Variants in ST8SIA4 observed in about 807,000 individuals in gnomAD.
The protein encoded by ST8SIA4 is CMP-N-acetylneuraminate-poly-alpha-2,8-sialyltransferase.
Under a neutral mutation model 33.9 loss-of-function variants are expected in ST8SIA4, and 15 were observed. The observed-to-expected ratio is 0.44, with a 90% CI of 0.30 to 0.68. The LOEUF (loss-of-function observed/expected upper bound fraction) is 0.68. Among genes scored for constraint, ST8SIA4 ranks in the 30% least tolerant of loss-of-function variants. The pLI is 0.10. For synonymous variants in ST8SIA4, 171 were observed against 151.2 expected (o/e 1.13, Z -0.96); for missense variants, 321 against 428.0 (o/e 0.75, Z 2.21).
At chr5:100,883,618 T>C (rs979306899) in intron 3 of ST8SIA4, among the ~76,000 whole-genome samples, 1 of 152,190 alleles carries the variant, frequency 6.6e-6, no homozygotes, top group Admixed American at 6.5e-5. Flanking sequence ...TCTCAAATTG[T>C]ACTCTTATAA....
chr5:100,857,399 C>G (rs1390211314), intron 3 of ST8SIA4, among the ~76,000 whole-genome samples: 5 of 150,554 alleles, frequency 3.3e-5, no homozygotes, highest in Admixed American at 3.3e-4. Flanking sequence ...TTTAAAAAAA[C>G]TATTTTTAAC....
intron 3 of ST8SIA4, among the ~76,000 whole-genome samples, chr5:100,856,606 C>G (rs2112440672): frequency 6.6e-6 from 1 of 152,286 alleles, no homozygotes; most frequent in Non-Finnish European, 1.5e-5. Flanking sequence ...AGTCCCAGTA[C>G]AGGGCTCAAA....
intron 3 of ST8SIA4, among the ~76,000 whole-genome samples, chr5:100,864,402 G>C (rs541995804): frequency 6.6e-6 from 1 of 151,614 alleles, no homozygotes; most frequent in African/African-American, 2.4e-5. Flanking sequence ...GTGAAACCCC[G>C]CCTCTACTAA....
chr5:100,842,529 C>T (rs1751490487), intron 4 of ST8SIA4, among the ~76,000 whole-genome samples: 1 of 151,820 alleles, frequency 6.6e-6, no homozygotes, highest in South Asian at 2.1e-4. Context: ...TCAACACTAT[C>T]CCCAGTTTTT....
In ST8SIA4 at chr5:100,848,009, ATTATC is replaced by A. The variant is rs140663402; in HGVS notation, c.797+8089_797+8093del. On this transcript the variant is annotated intron_variant, in intron 4 of 4. Coordinates refer to ENST00000231461, the MANE Select transcript of ST8SIA4 (RefSeq NM_005668.6). ...ATAAAGTATGTAAATCAATTAGACT[ATTATC>A]TTATATTCTGAATGAGGAAATTTTT... Among the ~76,000 whole-genome samples, 1,050 of 152,188 alleles carry A rather than the reference ATTATC, an allele frequency of 6.9e-3. 14 individuals are homozygous for A. The highest frequency in any genetic ancestry group is 0.024 in the African/African-American group (1,015 of 41,556).
chr5:100,848,986 G>T, intron 4 of ST8SIA4: 1 of 319,618 alleles, frequency 3.1e-6, no homozygotes, highest in Non-Finnish European at 4.5e-6. Context: ...TTTAGATGAT[G>T]TTGGGTTAAC....
chr5:100,886,073 A>C lies in ST8SIA4; in HGVS notation c.503+270T>G. 8 of 1,168,408 alleles carry C rather than the reference A, an allele frequency of 6.8e-6. 1 individual carries two copies. In the South Asian group the frequency reaches 1.6e-4, roughly 24 times the overall value. 72.4% of individuals were successfully genotyped at this position (1,168,408 alleles called of 1,614,324 possible). A position where few individuals can be genotyped will look rare whatever the true frequency, so the allele number is the denominator to read the frequency against. ...GTTTGTGTGGAATATTAAATTTAATAAAATTGCCATTTGCCTCCCCCCTCA... is the reference window on the plus strand; with the variant it reads ...GTTTGTGTGGAATATTAAATTTAATCAAATTGCCATTTGCCTCCCCCCTCA... On this transcript the variant is annotated intron_variant, in intron 3 of 4. Transcript: ENST00000231461.
intron 3 of ST8SIA4, among the ~76,000 whole-genome samples, chr5:100,869,499 T>C (rs2112454703): frequency 6.6e-6 from 1 of 152,292 alleles, no homozygotes; most frequent in South Asian, 2.1e-4. Flanking sequence ...GTCATCACTT[T>C]TTTCCTCCTC....
chr5:100,903,009 A>G lies in ST8SIA4; in HGVS notation c.-54T>C. 5.4e-6 allele frequency: 7 copies of G among 1,305,860 alleles called. No homozygotes were observed. Among genetic ancestry groups the G allele is most frequent in the Non-Finnish European group, 7.8e-6 (7 of 901,378 alleles). 80.9% of individuals were successfully genotyped at this position (1,305,860 alleles called of 1,614,324 possible). A position where few individuals can be genotyped will look rare whatever the true frequency, so the allele number is the denominator to read the frequency against. On this transcript the variant is annotated 5_prime_UTR_variant, in exon 1 of 5. Transcript: ENST00000231461. ...CCCAGCTCCCGCACCTTCTCTTGATATAAAGGCTCCGTTTTGGGGAGATAG... is the reference window on the plus strand; with the variant it reads ...CCCAGCTCCCGCACCTTCTCTTGATGTAAAGGCTCCGTTTTGGGGAGATAG...
chr5:100,903,088 G>C lies in ST8SIA4; in HGVS notation c.-133C>G. The C allele has an allele frequency of 6.0e-6, 4 of 661,998 alleles. No individual in the cohort carries two copies. In the South Asian group the frequency reaches 7.3e-5, roughly 12 times the overall value. 41.0% of individuals were successfully genotyped at this position (661,998 alleles called of 1,614,324 possible). ...GGAGAGCTTGGAGCCGGGATCCCGGGATCAGATCACTGGGGTCTTCTGTGG... is the reference window on the plus strand; with the variant it reads ...GGAGAGCTTGGAGCCGGGATCCCGGCATCAGATCACTGGGGTCTTCTGTGG... On this transcript the variant is annotated 5_prime_UTR_variant, in exon 1 of 5. The change creates a new upstream start codon in the 5' untranslated region. Transcript: ENST00000231461.
At chr5:100,890,395 AAGG>A (rs1752635327) in intron 2 of ST8SIA4, among the ~76,000 whole-genome samples, 1 of 151,916 alleles carries the variant, frequency 6.6e-6, no homozygotes, top group Admixed American at 6.6e-5. Context: ...ACATGTCACC[AAGG>A]AGAACATATA....
At chr5:100,826,961 T>TACAC (rs528367578) in intron 4 of ST8SIA4, among the ~76,000 whole-genome samples, 3,334 of 147,500 alleles carry the variant, frequency 0.023, 97 homozygotes, top group African/African-American at 0.065. Flanking sequence ...TGTGTGTATA[T>TACAC]ACACACACAC....
intron 4 of ST8SIA4, among the ~76,000 whole-genome samples, chr5:100,829,675 C>T (rs1243147545): frequency 4.6e-5 from 7 of 152,066 alleles, no homozygotes; most frequent in Non-Finnish European, 4.4e-5. Flanking sequence ...TTTGGGAGGC[C>T]GAAGCGGGTG....
chr5:100,868,389 G>C (rs1484596270), intron 3 of ST8SIA4, among the ~76,000 whole-genome samples: 1 of 151,984 alleles, frequency 6.6e-6, no homozygotes, highest in Middle Eastern at 3.2e-3. Context: ...AGTAAACCAT[G>C]ATATAAAATC....
At chr5:100,831,436 T>A (rs974975635) in intron 4 of ST8SIA4, among the ~76,000 whole-genome samples, 11 of 152,220 alleles carry the variant, frequency 7.2e-5, no homozygotes, top group African/African-American at 2.7e-4. Context: ...ATAAAACATT[T>A]ATCAATTCTA....
intron 3 of ST8SIA4, among the ~76,000 whole-genome samples, chr5:100,859,128 T>G (rs1751879021): frequency 1.3e-5 from 2 of 152,078 alleles, no homozygotes; most frequent in Admixed American, 1.3e-4. Context: ...TGTGTTGCAC[T>G]CCAGCAATTC....
intron 4 of ST8SIA4, among the ~76,000 whole-genome samples, chr5:100,847,721 A>C (rs1408740259): frequency 6.6e-6 from 1 of 152,126 alleles, no homozygotes; most frequent in African/African-American, 2.4e-5. Context: ...AACAGAGTGA[A>C]TACTACCCAG....
intron 4 of ST8SIA4, among the ~76,000 whole-genome samples, chr5:100,821,432 A>T (rs1379786976): frequency 6.6e-6 from 1 of 152,120 alleles, no homozygotes; most frequent in Non-Finnish European, 1.5e-5. Context: ...ATATGAGGTT[A>T]GTTTCCCAAT....
chr5:100,865,047 C>A (rs976509098), intron 3 of ST8SIA4, among the ~76,000 whole-genome samples: 2 of 152,134 alleles, frequency 1.3e-5, no homozygotes, highest in Admixed American at 1.3e-4. Context: ...TCATAGTCCC[C>A]GAACAATGGT....
Sources: gnomAD v4.1 joint callset for allele counts (sites outside exome capture counted in the v4.1 genomes callset) on GRCh38, gnomAD v4.1.1 for gene constraint, MANE v1.5 for transcripts, NCBI Gene and HGNC (gene_info 2026-07-23, HGNC 2026-07-21) for gene names.